The following ASF1A variants were observed in gnomAD, a reference collection of about 807,000 sequenced individuals.
ASF1A encodes the protein anti-silencing function 1A histone chaperone, also known as histone chaperone ASF1A.
A neutral mutation model predicts 22.0 loss-of-function variants in ASF1A; 5 were observed. The observed-to-expected ratio is 0.23, with a 90% CI of 0.12 to 0.48. The LOEUF is 0.48. Ranked by LOEUF, ASF1A falls within the 20% of genes least tolerant of loss-of-function variation. The probability of loss-of-function intolerance (pLI) is 0.99; values close to 1 mark genes in which losing one functional copy is unlikely to be tolerated. For synonymous variants in ASF1A, 97 were observed against 86.7 expected (o/e 1.12, Z -0.66); for missense variants, 137 against 240.6 (o/e 0.57, Z 2.85).
At chr6:118,895,473 C>T (rs1469190753) in intron 1 of ASF1A, among the ~76,000 whole-genome samples, 2 of 152,170 alleles carry the variant, frequency 1.3e-5, no homozygotes, top group African/African-American at 4.8e-5. Flanking sequence ...TTCTTCAAGA[C>T]CGTGTTGAAA....
Position 118,907,785 on chromosome 6 carries a change from A to T in ASF1A, c.*171A>T. ...TGAACAAATTGTGGAATATAAATAC[A>T]ACTATTTTTAAGTAATTTTTTTCTC... On this transcript the variant is annotated 3_prime_UTR_variant, in exon 4 of 4. Transcript: ENST00000229595. The T allele has an allele frequency of 1.8e-6, 1 of 548,728 alleles. No individual in the cohort carries two copies. Among genetic ancestry groups the T allele is most frequent in the East Asian group, 2.9e-5 (1 of 34,134 alleles). The allele number at this position is 548,728 out of a possible 1,614,324, so 34.0% of individuals were successfully genotyped here.
At position 118,894,227 on chromosome 6, in the gene ASF1A, G is replaced by C; in HGVS notation, c.-187G>C. On this transcript the variant is annotated 5_prime_UTR_variant, in exon 1 of 4. Transcript: ENST00000229595. Reference sequence around the variant, plus strand: ...AATGGGCTGTAGTTTAGTGAAATAGGAAAGCTGCAAAACACTGTGGAGTGC... The same window carrying C: ...AATGGGCTGTAGTTTAGTGAAATAGCAAAGCTGCAAAACACTGTGGAGTGC... The C allele has an allele frequency of 6.4e-6, 9 of 1,417,090 alleles. No individual in the cohort carries two copies. The highest frequency in any genetic ancestry group is 8.3e-6 in the Non-Finnish European group (9 of 1,089,744). The allele number at this position is 1,417,090 out of a possible 1,614,324, so 87.8% of individuals were successfully genotyped here. A position where few individuals can be genotyped will look rare whatever the true frequency, so the allele number is the denominator to read the frequency against.
At chr6:118,898,550 G>A (rs1211808874) in intron 1 of ASF1A, among the ~76,000 whole-genome samples, 4 of 151,304 alleles carry the variant, frequency 2.6e-5, no homozygotes, top group South Asian at 2.1e-4. Flanking sequence ...TCAGCCTCCC[G>A]AGTAGCTGGG....
rs554581956 is a variant in ASF1A at position 118,908,032 on chromosome 6, T to C, written c.*418T>C. The C allele has an allele frequency of 4.5e-5, 7 of 155,410 alleles. No homozygotes were observed. In the South Asian group the frequency reaches 7.9e-4, roughly 18 times the overall value. 9.6% of individuals were successfully genotyped at this position (155,410 alleles called of 1,614,324 possible). A position where few individuals can be genotyped will look rare whatever the true frequency, so the allele number is the denominator to read the frequency against. On this transcript the variant is annotated 3_prime_UTR_variant, in exon 4 of 4. Transcript: ENST00000229595. ...AAATGTTTCTTCCTGTGAAGACATATGGTATCATTTTAATTTAAGGGGCAG... is the reference window on the plus strand; with the variant it reads ...AAATGTTTCTTCCTGTGAAGACATACGGTATCATTTTAATTTAAGGGGCAG...
intron 3 of ASF1A, among the ~76,000 whole-genome samples, chr6:118,906,315 T>G (rs1273962954): frequency 1.3e-5 from 2 of 152,100 alleles, no homozygotes; most frequent in East Asian, 3.9e-4. Context: ...TCAAGTGATC[T>G]GCCTACCTTG....
In ASF1A at chr6:118,907,544, C is replaced by T. The variant is rs1583625796; in HGVS notation, c.545C>T (p.Ala182Val). 1.1e-5 allele frequency: 18 copies of T among 1,613,566 alleles called. No individual in the cohort carries two copies. The East Asian group carries it at 3.3e-4, about 30-fold the overall frequency. Residue 182 changes from alanine (A) to valine (V), a missense_variant, in exon 4 of 4, where the codon GCA (alanine) becomes GTA (valine). Physicochemically the swap from Ala to Val is moderately conservative, Grantham distance 64. Around this residue, in one of 2 missense-constraint regions of ASF1A, gnomAD observed 41 missense variants for 43.9 expected, o/e 0.93. Coordinates refer to ENST00000229595, the MANE Select transcript of ASF1A (RefSeq NM_014034.3). Reference sequence around the variant, plus strand: ...CTTTCAACAGATGCATTACCTTCAGCATCAAAGGGATGGTCCACATCAGAA... The same window carrying T: ...CTTTCAACAGATGCATTACCTTCAGTATCAAAGGGATGGTCCACATCAGAA... ...SLLSTDALPS[A>V]SKGWSTSENS... is the part of the protein sequence containing the mutation.
intron 1 of ASF1A, among the ~76,000 whole-genome samples, chr6:118,895,024 T>TGCCC: frequency 6.6e-6 from 1 of 152,190 alleles, no homozygotes; most frequent in East Asian, 1.9e-4. Flanking sequence ...GCCGCCCGCC[T>TGCCC]GCCCCCGGCG....
intron 3 of ASF1A, among the ~76,000 whole-genome samples, chr6:118,906,896 T>C (rs1232025780): frequency 6.6e-6 from 1 of 152,172 alleles, no homozygotes; most frequent in Non-Finnish European, 1.5e-5. Context: ...GTACCTTCCA[T>C]TGATCCAATT....
chr6:118,894,242 C>G lies in ASF1A; in HGVS notation c.-172C>G, dbSNP rs918907078. ...AGTGAAATAGGAAAGCTGCAAAACA[C>G]TGTGGAGTGCTCCCGTGTAAATAAA... On this transcript the variant is annotated 5_prime_UTR_variant, in exon 1 of 4. Coordinates refer to ENST00000229595, the MANE Select transcript of ASF1A (RefSeq NM_014034.3). The G allele has an allele frequency of 2.8e-6, 4 of 1,444,366 alleles. No individual in the cohort carries two copies. The African/African-American group carries it at 4.3e-5, about 16-fold the overall frequency. The allele number at this position is 1,444,366 out of a possible 1,614,324, so 89.5% of individuals were successfully genotyped here. A position where few individuals can be genotyped will look rare whatever the true frequency, so the allele number is the denominator to read the frequency against.
intron 3 of ASF1A, among the ~76,000 whole-genome samples, 175 bp from the exon 4 acceptor site, chr6:118,907,227 C>T (rs1024483851): frequency 4.6e-5 from 7 of 152,078 alleles, no homozygotes; most frequent in African/African-American, 1.7e-4. Flanking sequence ...TTGCTACAGC[C>T]CTAGTCGTTA....
chr6:118,901,354 A>C (rs1345286244), intron 2 of ASF1A, among the ~76,000 whole-genome samples: 1 of 152,242 alleles, frequency 6.6e-6, no homozygotes, highest in Non-Finnish European at 1.5e-5. Context: ...CATAATCAGT[A>C]GTTGAGCTAG....
intron 2 of ASF1A, among the ~76,000 whole-genome samples, chr6:118,901,610 A>G (rs1399213419): frequency 6.6e-6 from 1 of 152,160 alleles, no homozygotes; most frequent in Non-Finnish European, 1.5e-5. Context: ...CAAAAGTGTT[A>G]TTTCTTTTAA....
At position 118,894,497 on chromosome 6, in the gene ASF1A, C is replaced by G; in HGVS notation, c.84C>G (p.Phe28Leu). 1 of 1,537,182 alleles carries G rather than the reference C, an allele frequency of 6.5e-7. No homozygotes were observed. The highest frequency in any genetic ancestry group is 8.7e-7 in the Non-Finnish European group (1 of 1,146,816). The change falls in exon 1 of 4, where the codon TTC becomes TTG. Residue 28 changes from phenylalanine to leucine, a missense_variant. Coordinates refer to ENST00000229595, the MANE Select transcript of ASF1A (RefSeq NM_014034.3). ...FYNPFQFEITFECIEDLSEDL... is the reference protein window; with the variant it reads ...FYNPFQFEITLECIEDLSEDL... ...ACCCGTTCCAGTTCGAGATCACCTT[C>G]GAGTGCATCGAGGACCTGTCTGAAG...
chr6:118,901,067 T>C (rs1481265255), intron 2 of ASF1A, 186 bp downstream of exon 2: 3 of 530,256 alleles, frequency 5.7e-6, no homozygotes, highest in South Asian at 2.6e-5. Flanking sequence ...TACTTCCTGG[T>C]TTTATATGCT....
At chr6:118,896,631 C>A (rs907196111) in intron 1 of ASF1A, among the ~76,000 whole-genome samples, 12 of 152,080 alleles carry the variant, frequency 7.9e-5, no homozygotes, top group African/African-American at 2.7e-4. Context: ...CATTACTGAG[C>A]ATTTATTTAG....
Position 118,905,640 on chromosome 6 carries a change from A to G in ASF1A, c.226-12A>G. ...GTGTGTGTGTGTTTCTTTTCTTTTT[A>G]ATTTATTCTAGGCTGATGCACCTAA... On this transcript the variant is annotated splice_polypyrimidine_tract_variant and intron_variant, in intron 2 of 3. Coordinates refer to ENST00000229595, the MANE Select transcript of ASF1A (RefSeq NM_014034.3). The G allele has an allele frequency of 6.3e-7, 1 of 1,578,240 alleles. No individual in the cohort carries two copies. Among genetic ancestry groups the G allele is most frequent in the Non-Finnish European group, 8.6e-7 (1 of 1,161,210 alleles).
At chr6:118,897,339 G>A (rs561664558) in intron 1 of ASF1A, among the ~76,000 whole-genome samples, 1 of 151,994 alleles carries the variant, frequency 6.6e-6, no homozygotes, top group African/African-American at 2.4e-5. Context: ...TTCTAATATA[G>A]GGCTTATATC....
intron 2 of ASF1A, among the ~76,000 whole-genome samples, chr6:118,904,179 A>G (rs1003661077): frequency 3.9e-5 from 6 of 152,306 alleles, no homozygotes; most frequent in Non-Finnish European, 7.4e-5. Context: ...ATTCTAAGCA[A>G]TATTCCAGAT....
At chr6:118,896,211 CTAT>C (rs994220028) in intron 1 of ASF1A, among the ~76,000 whole-genome samples, 1 of 152,054 alleles carries the variant, frequency 6.6e-6, no homozygotes, top group Non-Finnish European at 1.5e-5. Flanking sequence ...TATGATACTA[CTAT>C]TAATATAAGC....
Sources: allele counts gnomAD v4.1 joint callset (sites outside exome capture counted in the v4.1 genomes callset), GRCh38; gene constraint gnomAD v4.1.1; regional missense constraint gnomAD v4.1.1; transcripts MANE v1.5; gene names NCBI Gene and HGNC (gene_info 2026-07-23, HGNC 2026-07-21).